Variants in GPM6A observed in about 807,000 individuals in gnomAD.
GPM6A encodes the protein glycoprotein M6A, also known as neuronal membrane glycoprotein M6-a.
A neutral mutation model predicts 32.1 loss-of-function variants in GPM6A; 7 were observed. The observed-to-expected ratio is 0.22, with a 90% confidence interval of 0.12 to 0.41. GPM6A has a LOEUF of 0.41. Among genes scored for constraint, GPM6A ranks in the 10% least tolerant of loss-of-function variants. GPM6A has a pLI of 1.00. For missense variants in GPM6A, 235 were observed against 347.2 expected, an observed-to-expected ratio of 0.68 and a Z score of 2.57; for synonymous variants, 130 against 123.4, an observed-to-expected ratio of 1.05 and a Z score of -0.35.
At chr4:175,889,931 C>T (rs1391599976) in intron 1 of GPM6A, among the ~76,000 whole-genome samples, 4 of 152,012 alleles carry the variant, frequency 2.6e-5, no homozygotes, top group Non-Finnish European at 2.9e-5. Flanking sequence ...AATAGGAACC[C>T]AAAACATGTG....
At chr4:175,802,203 T>C (rs1400272480) in intron 1 of GPM6A, among the ~76,000 whole-genome samples, 1 of 152,158 alleles carries the variant, frequency 6.6e-6, no homozygotes, top group Non-Finnish European at 1.5e-5. Flanking sequence ...TCAGCCTGGC[T>C]ATACAACTGG....
chr4:175,943,989 G>A lies in GPM6A; in HGVS notation c.-23+58320C>T, dbSNP rs528167319. 3.3e-5 allele frequency among the ~76,000 whole-genome samples: 5 copies of A among 152,162 alleles called. No homozygotes were observed. The South Asian group carries it at 8.3e-4, about 25-fold the overall frequency. On this transcript the variant is annotated intron_variant, in intron 1 of 7. Transcript: ENST00000280187. ...CCTCTTTGTACCTCTGGTAGAATTC[G>A]GATATGAATCTGTCTGGTCCTGGGC... is the stretch of plus-strand genomic sequence containing the variant.
intron 1 of GPM6A, among the ~76,000 whole-genome samples, chr4:175,901,501 T>TA (rs1737964899): frequency 6.6e-6 from 1 of 151,986 alleles, no homozygotes; most frequent in African/African-American, 2.4e-5. Flanking sequence ...TAGCTACCAT[T>TA]AAAAAGAATT....
rs1485127870 is a variant in GPM6A at position 175,885,157 on chromosome 4, A to G, written c.-22-72908T>C. Among the ~76,000 whole-genome samples, 6 of 152,236 alleles carry G rather than the reference A, an allele frequency of 3.9e-5. No individual in the cohort carries two copies. The East Asian group carries it at 1.2e-3, about 29-fold the overall frequency. Reference sequence around the variant, plus strand: ...CCATTAATGAGAGAATGAAAAATAAATTGTGGTATAACCATGGAGTGAAAT... The same window carrying G: ...CCATTAATGAGAGAATGAAAAATAAGTTGTGGTATAACCATGGAGTGAAAT... On this transcript the variant is annotated intron_variant, in intron 1 of 7. Coordinates refer to the GPM6A transcript ENST00000280187.
chr4:175,962,469 C>G, intron 1 of GPM6A: 1 of 624,718 alleles, frequency 1.6e-6, no homozygotes, highest in Non-Finnish European at 3.1e-6. Context: ...TTTTTTGCTT[C>G]TCCAATGCGC....
At chr4:175,895,838 C>G (rs1304870510) in intron 1 of GPM6A, among the ~76,000 whole-genome samples, 1 of 152,012 alleles carries the variant, frequency 6.6e-6, no homozygotes, top group Non-Finnish European at 1.5e-5. Context: ...AAAATATTTC[C>G]TAACAGCTTT....
At chr4:175,812,361 G>A (rs545497960), upstream of GPM6A, 1 of 1,092,304 alleles carries the variant, frequency 9.2e-7, no homozygotes, top group East Asian at 3.0e-5. Flanking sequence ...TCCAACAGCA[G>A]TGGCTTGGGC....
At chr4:175,895,886 C>G (rs1251234688) in intron 1 of GPM6A, among the ~76,000 whole-genome samples, 1 of 152,112 alleles carries the variant, frequency 6.6e-6, no homozygotes, top group Non-Finnish European at 1.5e-5. Context: ...GGCATAAACC[C>G]TGAAATATTT....
intron 2 of GPM6A, among the ~76,000 whole-genome samples, chr4:175,683,710 G>A (rs2111014338): frequency 6.6e-6 from 1 of 152,126 alleles, no homozygotes; most frequent in East Asian, 1.9e-4. Flanking sequence ...GCCATGTGAG[G>A]TGCCTGCTCC....
In GPM6A at chr4:175,932,475, C is replaced by T. The variant is rs573109673; in HGVS notation, c.-23+69834G>A. Among the ~76,000 whole-genome samples, 52 of 152,234 alleles carry T rather than the reference C, an allele frequency of 3.4e-4. 2 individuals are homozygous for T. The South Asian group carries it at 0.011, about 32-fold the overall frequency. The stretch of plus-strand genomic sequence containing the variant: ...TCTCGGACTTTCCATCCTCCGTTAC[C>T]GCGAGAAAATAAATTTCCATTCTTT... On this transcript the variant is annotated intron_variant, in intron 1 of 7. Transcript: ENST00000280187.
Position 175,855,563 on chromosome 4 carries a change from TTCTAG to T in GPM6A, c.-22-43319_-22-43315del, listed in dbSNP as rs1736391289. 2.0e-5 allele frequency among the ~76,000 whole-genome samples: 3 copies of T among 152,214 alleles called. No individual in the cohort carries two copies. The South Asian group carries it at 6.2e-4, about 32-fold the overall frequency. On this transcript the variant is annotated intron_variant, in intron 1 of 7. Transcript: ENST00000280187. ...AAAGGAACTGAACATAAGCACTCTA[TTCTAG>T]TCAACAAAATTGTTTTCTACTGGGG... is the stretch of plus-strand genomic sequence containing the variant.
intron 1 of GPM6A, among the ~76,000 whole-genome samples, chr4:175,758,430 G>A (rs1326701892): frequency 6.6e-6 from 1 of 152,074 alleles, no homozygotes; most frequent in Non-Finnish European, 1.5e-5. Context: ...CGTAAGTTTA[G>A]CCAGATTCAA....
chr4:175,867,766 T>C (rs1465989169), intron 1 of GPM6A, among the ~76,000 whole-genome samples: 4 of 152,188 alleles, frequency 2.6e-5, no homozygotes, highest in Admixed American at 6.5e-5. Flanking sequence ...TATTGGCTAT[T>C]GTGGTTTGTA....
chr4:175,983,177 A>C (rs993875991), intron 1 of GPM6A, among the ~76,000 whole-genome samples: 3 of 152,198 alleles, frequency 2.0e-5, no homozygotes, highest in African/African-American at 7.2e-5. Flanking sequence ...AGGACAGATA[A>C]TCTATAATCA....
intron 2 of GPM6A, among the ~76,000 whole-genome samples, chr4:175,696,508 T>C (rs1428976243): frequency 6.6e-6 from 1 of 152,224 alleles, no homozygotes; most frequent in Non-Finnish European, 1.5e-5. Context: ...TATTGCCTAA[T>C]GAAATGCACA....
chr4:175,838,765 T>C (rs1735852618), intron 1 of GPM6A, among the ~76,000 whole-genome samples: 1 of 150,784 alleles, frequency 6.6e-6, no homozygotes, highest in Admixed American at 6.6e-5. Flanking sequence ...GCGATTCTCG[T>C]GCCTCAGCCT....
intron 1 of GPM6A, among the ~76,000 whole-genome samples, chr4:175,942,414 C>T (rs1266435499): frequency 6.6e-6 from 1 of 152,114 alleles, no homozygotes; most frequent in African/African-American, 2.4e-5. Context: ...GCTTTTGTTG[C>T]CATTGCTTTT....
chr4:175,840,406 G>A (rs1048563881), intron 1 of GPM6A, among the ~76,000 whole-genome samples: 1 of 152,194 alleles, frequency 6.6e-6, no homozygotes, highest in Admixed American at 6.5e-5. Context: ...GTCCGGGTGC[G>A]GTGGCTCACG....
intron 1 of GPM6A, among the ~76,000 whole-genome samples, chr4:175,990,526 T>C (rs1007654886): frequency 2.0e-5 from 3 of 152,168 alleles, no homozygotes; most frequent in African/African-American, 7.2e-5. Flanking sequence ...CGTTACGTCA[T>C]TATGTGCAGA....
Sources: gnomAD v4.1 joint callset for allele counts (sites outside exome capture counted in the v4.1 genomes callset) on GRCh38, gnomAD v4.1.1 for gene constraint, MANE v1.5 for transcripts, NCBI Gene and HGNC (gene_info 2026-07-23, HGNC 2026-07-21) for gene names.